The following NUP210L variants were observed in gnomAD, a reference collection of about 807,000 sequenced individuals.
The protein encoded by NUP210L is nucleoporin 210 like, also known as nuclear pore membrane glycoprotein 210-like.
A neutral mutation model predicts 208.5 loss-of-function variants in NUP210L; 74 were observed. The observed-to-expected ratio is 0.35, with a 90% CI of 0.29 to 0.43. The LOEUF is 0.43. Ranked by LOEUF, NUP210L falls within the 20% of genes least tolerant of loss-of-function variation. The pLI, the probability that NUP210L is intolerant of heterozygous loss-of-function variation, is 1.00. For synonymous variants in NUP210L, 780 were observed against 816.9 expected (o/e 0.95, Z 0.77); for missense variants, 1,843 against 2,289.4 (o/e 0.81, Z 3.98).
intron 20 of NUP210L, 39 bp downstream of exon 20, chr1:154,060,501 G>T (rs1290347317): frequency 7.8e-7 from 1 of 1,281,370 alleles, no homozygotes; most frequent in Admixed American, 1.9e-5. Context: ...ATGAGCTTTG[G>T]CCTGAGACCA....
chr1:154,095,522 T>C (rs1656137163), intron 14 of NUP210L, among the ~76,000 whole-genome samples: 1 of 152,212 alleles, frequency 6.6e-6, no homozygotes, highest in African/African-American at 2.4e-5. Flanking sequence ...ATTTTTGTTG[T>C]TTTCTCTACT....
At chr1:154,136,790 G>C (rs1253849910) in intron 6 of NUP210L, among the ~76,000 whole-genome samples, 2 of 148,618 alleles carry the variant, frequency 1.3e-5, no homozygotes, top group Non-Finnish European at 3.0e-5. Context: ...CGTAGTGGCG[G>C]GCTCCTGTAA....
intron 2 of NUP210L, among the ~76,000 whole-genome samples, chr1:154,145,972 TCTAGAACACCTGGC>T (rs1456123646): frequency 6.6e-6 from 1 of 152,020 alleles, no homozygotes; most frequent in Non-Finnish European, 1.5e-5. Context: ...CCCAGGCTAG[TCTAGAACACCTGGC>T]CTCAAGCGAT....
intron 27 of NUP210L, among the ~76,000 whole-genome samples, chr1:154,042,293 G>A (rs996225886): frequency 6.6e-6 from 1 of 152,092 alleles, no homozygotes; most frequent in Non-Finnish European, 1.5e-5. Flanking sequence ...TGTAGAGACA[G>A]GGTTTCACTC....
At chr1:154,048,212 G>A (rs1478402325) in intron 25 of NUP210L, among the ~76,000 whole-genome samples, 1 of 152,098 alleles carries the variant, frequency 6.6e-6, no homozygotes, top group Admixed American at 6.6e-5. Flanking sequence ...TGACCCTCCA[G>A]ATCTTTCTTT....
chr1:154,073,849 TAAA>T (rs1654900208), intron 16 of NUP210L, among the ~76,000 whole-genome samples: 4 of 150,800 alleles, frequency 2.7e-5, no homozygotes, highest in Non-Finnish European at 4.4e-5. Context: ...AATAAATAAA[TAAA>T]TAAATAAATT....
At position 154,100,176 on chromosome 1, in the gene NUP210L, G is replaced by A. The variant is rs143262561; in HGVS notation, c.1820-33C>T. 6.1e-4 allele frequency: 986 copies of A among 1,610,766 alleles called. 1 individual carries two copies. Among genetic ancestry groups the A allele is most frequent in the Middle Eastern group, 8.3e-4 (5 of 6,050 alleles). ...TCAAAAACCATGATTTTGGCAGGGC[G>A]TGGTGGCTCAGGCTTGTAATCCCAG... On this transcript the variant is annotated intron_variant, in intron 13 of 39. Coordinates refer to ENST00000368559, the Ensembl canonical transcript of NUP210L.
rs191727019 is a variant in NUP210L at position 154,071,888 on chromosome 1, G to C, written c.2362-1423C>G. On this transcript the variant is annotated intron_variant, in intron 16 of 39. Transcript: ENST00000368559. The stretch of plus-strand genomic sequence containing the variant: ...CCTGACCTCGTGATCTGCCCACCTC[G>C]GCCTCCCAAAGCGCTGAGATTACGG... Among the ~76,000 whole-genome samples, 23 of 151,768 alleles carry C rather than the reference G, an allele frequency of 1.5e-4. No individual in the cohort carries two copies. In the East Asian group the frequency reaches 3.5e-3, roughly 23 times the overall value.
At chr1:154,012,185 A>G in intron 34 of NUP210L, 59 bp downstream of exon 34, 1 of 1,558,042 alleles carries the variant, frequency 6.4e-7, no homozygotes, top group Non-Finnish European at 8.7e-7. Flanking sequence ...GGGATAAATG[A>G]ATTGAGGGAA....
intron 27 of NUP210L, among the ~76,000 whole-genome samples, chr1:154,037,322 C>A (rs981168643): frequency 6.6e-6 from 1 of 152,126 alleles, no homozygotes; most frequent in African/African-American, 2.4e-5. Flanking sequence ...CTGCCTCTCT[C>A]TTAAACTCTA....
chr1:154,018,018 C>T (rs1197650209), intron 33 of NUP210L, among the ~76,000 whole-genome samples: 1 of 151,786 alleles, frequency 6.6e-6, no homozygotes, highest in African/African-American at 2.4e-5. Flanking sequence ...GTTGCCCAGG[C>T]TGGAGTACAG....
intron 22 of NUP210L, 89 bp downstream of exon 22, chr1:154,058,000 A>G (rs1450758639): frequency 2.6e-5 from 36 of 1,373,834 alleles, no homozygotes; most frequent in Non-Finnish European, 1.0e-6. Flanking sequence ...ATCTGAAATA[A>G]TCTAAGGTAA....
At chr1:153,997,091 G>A (rs529040310) in intron 37 of NUP210L, among the ~76,000 whole-genome samples, 2 of 151,986 alleles carry the variant, frequency 1.3e-5, no homozygotes, top group Admixed American at 6.6e-5. Context: ...AGCATCCTGC[G>A]TAACTGGGAT....
chr1:154,086,477 T>C (rs1655629054), intron 16 of NUP210L, among the ~76,000 whole-genome samples: 1 of 152,090 alleles, frequency 6.6e-6, no homozygotes, highest in South Asian at 2.1e-4. Context: ...TAAATTGGGA[T>C]TCATCAAAGT....
At chr1:154,006,280 G>A (rs1650520921) in intron 35 of NUP210L, among the ~76,000 whole-genome samples, 1 of 151,936 alleles carries the variant, frequency 6.6e-6, no homozygotes, top group Non-Finnish European at 1.5e-5. Context: ...CTGGGCCCAA[G>A]TGATTTCATC....
At chr1:154,001,688 T>G in intron 36 of NUP210L, 47 bp downstream of exon 36, 1 of 1,590,890 alleles carries the variant, frequency 6.3e-7, no homozygotes, top group Non-Finnish European at 8.6e-7. Flanking sequence ...AACTATCTTT[T>G]CAAATTCCTG....
chr1:154,006,888 A>G (rs1462132477), intron 35 of NUP210L, among the ~76,000 whole-genome samples: 1 of 142,874 alleles, frequency 7.0e-6, no homozygotes, highest in Non-Finnish European at 1.5e-5. Context: ...ATACATATGT[A>G]TACACATATA....
chr1:154,072,184 G>T (rs1654773969), intron 16 of NUP210L, among the ~76,000 whole-genome samples: 1 of 151,896 alleles, frequency 6.6e-6, no homozygotes, highest in Non-Finnish European at 1.5e-5. Context: ...TTACTTTTAG[G>T]TCTTTAAGGA....
chr1:154,000,372 G>A (rs111347030), intron 37 of NUP210L, among the ~76,000 whole-genome samples: 10 of 152,152 alleles, frequency 6.6e-5, no homozygotes, highest in African/African-American at 1.7e-4. Context: ...AACCCTCTAC[G>A]TACTATGTTT....
Sources: allele counts gnomAD v4.1 joint callset (sites outside exome capture counted in the v4.1 genomes callset), GRCh38; gene constraint gnomAD v4.1.1; transcripts MANE v1.5; gene names NCBI Gene and HGNC (gene_info 2026-07-23, HGNC 2026-07-21).